The following COL27A1 variants were observed in gnomAD, a reference collection of about 807,000 sequenced individuals.
The protein encoded by COL27A1 is collagen alpha-1(XXVII) chain.
In COL27A1, 106 loss-of-function variants were observed where a neutral mutation model predicts 251.3. That is an observed-to-expected ratio of 0.42 (90% CI 0.36 to 0.50). COL27A1 has a LOEUF of 0.50. Among genes scored for constraint, COL27A1 ranks in the 20% least tolerant of loss-of-function variants. The pLI is 0.00. For missense variants in COL27A1, 2,325 were observed against 2,522.8 expected (o/e 0.92, Z 1.68); for synonymous variants, 1,000 against 986.3 (o/e 1.01, Z -0.26).
intron 14 of COL27A1, among the ~76,000 whole-genome samples, chr9:114,225,774 A>T (rs1363854992): frequency 1.3e-5 from 2 of 152,262 alleles, no homozygotes; most frequent in Non-Finnish European, 2.9e-5. Context: ...AGCAATTTGC[A>T]TGCAGACTGA....
chr9:114,300,397 T>G (rs1626295), intron 50 of COL27A1: 2 of 573,854 alleles, frequency 3.5e-6, no homozygotes, highest in Admixed American at 3.2e-5. Flanking sequence ...AGTAGAAGAC[T>G]GTTGCAAAAA....
rs186335195 is a variant in COL27A1, at chr9:114,171,115, C to T, written c.1908+1652C>T. On this transcript the variant is annotated intron_variant, in intron 3 of 60. Coordinates refer to ENST00000356083, the MANE Select transcript of COL27A1 (RefSeq NM_032888.4). The stretch of plus-strand genomic sequence containing the variant: ...TTTCCTGGGGCTTGGGGCTCTGGGT[C>T]AGCAGGAAGCGAGGCCTCCTTCCAA... 3.8e-4 allele frequency among the ~76,000 whole-genome samples: 58 copies of T among 152,288 alleles called. No individual in the cohort carries two copies. In the East Asian group the frequency reaches 9.8e-3, roughly 26 times the overall value.
intron 56 of COL27A1, among the ~76,000 whole-genome samples, chr9:114,303,675 A>G (rs1211064989): frequency 1.3e-5 from 2 of 152,220 alleles, no homozygotes; most frequent in Non-Finnish European, 2.9e-5. Flanking sequence ...GCAGTTAGTA[A>G]GTGGCAGGTC....
chr9:114,187,118 A>T (rs1290490802), intron 5 of COL27A1, among the ~76,000 whole-genome samples: 1 of 152,258 alleles, frequency 6.6e-6, no homozygotes, highest in Admixed American at 6.5e-5. Context: ...TCCATGGCCC[A>T]GGTGGCTGCT....
chr9:114,181,700 C>CT (rs1488366058), intron 4 of COL27A1, among the ~76,000 whole-genome samples: 1 of 152,178 alleles, frequency 6.6e-6, no homozygotes, highest in Non-Finnish European at 1.5e-5. Context: ...GGCCAGGGCC[C>CT]TTGCTGGAGA....
intron 3 of COL27A1, among the ~76,000 whole-genome samples, chr9:114,177,661 C>G (rs1264792097): frequency 6.6e-6 from 1 of 152,186 alleles, no homozygotes; most frequent in African/African-American, 2.4e-5. Flanking sequence ...CACAAGCTGG[C>G]TAAAGACTTG....
At chr9:114,164,579 G>A (rs1848701906) in intron 2 of COL27A1, among the ~76,000 whole-genome samples, 1 of 152,202 alleles carries the variant, frequency 6.6e-6, no homozygotes, top group Non-Finnish European at 1.5e-5. Context: ...TTCCATGTGT[G>A]GAGAAAGATG....
intron 12 of COL27A1, chr9:114,218,069 T>C: frequency 3.0e-6 from 1 of 336,614 alleles, no homozygotes; most frequent in East Asian, 8.2e-5. Context: ...ATCACACCAC[T>C]GCACTTCAGC....
chr9:114,182,383 A>G (rs1827997443), intron 4 of COL27A1, among the ~76,000 whole-genome samples: 1 of 151,560 alleles, frequency 6.6e-6, no homozygotes, highest in Non-Finnish European at 1.5e-5. Context: ...CTCTAAAAAA[A>G]AAAGTCCACT....
rs777277432 is a variant in COL27A1, at chr9:114,168,967, C to T, written c.1412C>T (p.Pro471Leu). The T allele has an allele frequency of 1.8e-5, 29 of 1,614,030 alleles. No individual in the cohort carries two copies. Among genetic ancestry groups the T allele is most frequent in the Non-Finnish European group, 2.4e-5 (28 of 1,180,046 alleles). Residue 471 changes from proline (P) to leucine (L), a missense_variant, in exon 3 of 61, where the codon CCG becomes CTG. Physicochemically the swap from Pro to Leu is moderately conservative, Grantham distance 98. Around this residue, in one of 4 missense-constraint regions of COL27A1, gnomAD observed 1,183 missense variants for 1,144.1 expected, o/e 1.03. Transcript: ENST00000356083. ...EAKITSHASK[P>L]ASARTSTHKP... Reference sequence around the variant, plus strand: ...AAGATAACCAGCCATGCCAGTAAGCCGGCCTCTGCCCGCACCAGCACCCAC... The same window carrying T: ...AAGATAACCAGCCATGCCAGTAAGCTGGCCTCTGCCCGCACCAGCACCCAC...
chr9:114,248,763 G>A (rs1316090889), intron 24 of COL27A1, among the ~76,000 whole-genome samples: 1 of 152,182 alleles, frequency 6.6e-6, no homozygotes, highest in Non-Finnish European at 1.5e-5. Context: ...CTTGTTAGAG[G>A]TTTATGACCC....
intron 5 of COL27A1, among the ~76,000 whole-genome samples, chr9:114,190,819 C>T (rs1828702604): frequency 6.6e-6 from 1 of 152,266 alleles, no homozygotes; most frequent in Non-Finnish European, 1.5e-5. Flanking sequence ...CTCAAGGTCA[C>T]ACAGGCTCTG....
At chr9:114,308,215 T>C (rs979651512) in intron 59 of COL27A1, among the ~76,000 whole-genome samples, 1 of 152,228 alleles carries the variant, frequency 6.6e-6, no homozygotes, top group Non-Finnish European at 1.5e-5. Flanking sequence ...TTGAGCATTT[T>C]AGGTGGTACA....
At chr9:114,259,219 G>A (rs896345735) in intron 28 of COL27A1, among the ~76,000 whole-genome samples, 3 of 152,166 alleles carry the variant, frequency 2.0e-5, no homozygotes, top group East Asian at 1.9e-4. Flanking sequence ...AAAGAGGGAC[G>A]AGGGAGAGGG....
At chr9:114,174,711 A>C (rs987844058) in intron 3 of COL27A1, among the ~76,000 whole-genome samples, 1 of 152,236 alleles carries the variant, frequency 6.6e-6, no homozygotes, top group African/African-American at 2.4e-5. Context: ...GGACAAACTA[A>C]GGCCCGGAGG....
At chr9:114,202,832 C>G (rs960831639) in intron 7 of COL27A1, among the ~76,000 whole-genome samples, 2 of 152,164 alleles carry the variant, frequency 1.3e-5, no homozygotes, top group Non-Finnish European at 1.5e-5. Flanking sequence ...ATCCCACCCT[C>G]TCTTCACCAT....
intron 14 of COL27A1, among the ~76,000 whole-genome samples, chr9:114,226,083 T>C (rs1831451965): frequency 6.8e-6 from 1 of 146,864 alleles, no homozygotes; most frequent in South Asian, 2.1e-4. Context: ...AAGAAAACTG[T>C]GCCTGATTCC....
At chr9:114,291,243 A>G (rs966728445) in intron 48 of COL27A1, among the ~76,000 whole-genome samples, 4 of 152,130 alleles carry the variant, frequency 2.6e-5, no homozygotes, top group Non-Finnish European at 5.9e-5. Flanking sequence ...CATCCTTAGA[A>G]AGCTTCCCAG....
At chr9:114,171,906 G>T (rs1849349360) in intron 3 of COL27A1, among the ~76,000 whole-genome samples, 1 of 152,192 alleles carries the variant, frequency 6.6e-6, no homozygotes, top group South Asian at 2.1e-4. Flanking sequence ...GATCCAAGAG[G>T]GGTTGGAAAG....
Sources: allele counts gnomAD v4.1 joint callset (sites outside exome capture counted in the v4.1 genomes callset), GRCh38; gene constraint gnomAD v4.1.1; regional missense constraint gnomAD v4.1.1; transcripts MANE v1.5; gene names NCBI Gene and HGNC (gene_info 2026-07-23, HGNC 2026-07-21).